Variants in SLC22A3 observed in about 807,000 individuals in gnomAD.
The protein encoded by SLC22A3 is EMT organic cation transporter 3.
Under a neutral mutation model 59.1 loss-of-function variants are expected in SLC22A3, and 51 were observed. The ratio of observed to expected loss-of-function variants is 0.86; its 90% confidence interval spans 0.69 to 1.09. The LOEUF is 1.09. Among genes scored for constraint, SLC22A3 ranks in the 50% least tolerant of loss-of-function variants. The pLI is 0.00. For synonymous variants in SLC22A3, 325 were observed against 292.0 expected, an observed-to-expected ratio of 1.11 and a Z score of -1.15; for missense variants, 711 against 726.3, an observed-to-expected ratio of 0.98 and a Z score of 0.24.
chr6:160,419,969 A>AG, intron 5 of SLC22A3, among the ~76,000 whole-genome samples: 1 of 152,194 alleles, frequency 6.6e-6, no homozygotes, highest in African/African-American at 2.4e-5. Context: ...TTTTGAAAAC[A>AG]AGACTATATC....
rs565948998 is a variant in SLC22A3, at chr6:160,443,712, G to A, written c.1480G>A (p.Val494Met). 4.2e-5 allele frequency: 67 copies of A among 1,612,982 alleles called. No homozygotes were observed. Among genetic ancestry groups the A allele is most frequent in the Admixed American group, 1.3e-4 (8 of 59,990 alleles). The change falls in exon 9 of 11, where the codon GTG (valine) becomes ATG (methionine). Residue 494 changes from valine (V) to methionine (M), a missense_variant. Physicochemically the swap from Val to Met is conservative, Grantham distance 21. Coordinates refer to ENST00000275300, the MANE Select transcript of SLC22A3 (RefSeq NM_021977.4). ...APFLLFRLAA[V>M]WLELPLIIFG... ...ATTTCTGCTCTTTCGGCTAGCAGCC[G>A]TGTGGCTAGAACTACCTCTGATCAT...
intron 4 of SLC22A3, 94 bp downstream of exon 4, chr6:160,409,015 CTTTTTTT>C (rs201294592): frequency 3.3e-6 from 2 of 602,948 alleles, no homozygotes; most frequent in Non-Finnish European, 2.6e-6. Flanking sequence ...AGAAAATTTT[CTTTTTTT>C]TTTTTTTTTT....
chr6:160,353,280 T>C (rs570491338), intron 1 of SLC22A3, among the ~76,000 whole-genome samples: 2 of 152,250 alleles, frequency 1.3e-5, no homozygotes, highest in Non-Finnish European at 2.9e-5. Context: ...ATTATGAGAA[T>C]GTGCAAGAGT....
At chr6:160,367,234 T>C (rs1163265684) in intron 1 of SLC22A3, among the ~76,000 whole-genome samples, 1 of 152,102 alleles carries the variant, frequency 6.6e-6, no homozygotes, top group Admixed American at 6.6e-5. Context: ...CTTCATCACA[T>C]GGTGGCAGCA....
intron 1 of SLC22A3, among the ~76,000 whole-genome samples, chr6:160,366,442 C>T (rs574158977): frequency 1.3e-4 from 20 of 152,340 alleles, no homozygotes; most frequent in Non-Finnish European, 2.6e-4. Context: ...GTGCAGGATA[C>T]AGCCCCGTCC....
chr6:160,377,630 A>G (rs930994337), intron 1 of SLC22A3, among the ~76,000 whole-genome samples: 1 of 152,192 alleles, frequency 6.6e-6, no homozygotes, highest in African/African-American at 2.4e-5. Context: ...TCCTAAGATT[A>G]TTAAGAGTTT....
chr6:160,401,615 G>C (rs1786784877), intron 2 of SLC22A3, among the ~76,000 whole-genome samples: 1 of 151,832 alleles, frequency 6.6e-6, no homozygotes, highest in Non-Finnish European at 1.5e-5. Context: ...AGAGGAATAA[G>C]CAATTGAGAA....
chr6:160,428,109 T>G (rs904473269), intron 5 of SLC22A3, among the ~76,000 whole-genome samples: 3 of 6,650 alleles, frequency 4.5e-4, no homozygotes, highest in South Asian at 8.1e-3. Flanking sequence ...AAACAAAAAA[T>G]AAAAATAAAA....
chr6:160,445,598 C>G (rs1473078784), intron 9 of SLC22A3, among the ~76,000 whole-genome samples: 1 of 152,158 alleles, frequency 6.6e-6, no homozygotes, highest in East Asian at 1.9e-4. Flanking sequence ...GGTGACAATT[C>G]AAGGATGTCA....
At chr6:160,411,734 G>A (rs1290117396) in intron 5 of SLC22A3, among the ~76,000 whole-genome samples, 1 of 152,064 alleles carries the variant, frequency 6.6e-6, no homozygotes, top group East Asian at 1.9e-4. Flanking sequence ...AGATCAAGAT[G>A]CTGTCTCTAA....
intron 5 of SLC22A3, among the ~76,000 whole-genome samples, chr6:160,433,751 C>T (rs1788242065): frequency 6.6e-6 from 1 of 152,024 alleles, no homozygotes; most frequent in Non-Finnish European, 1.5e-5. Flanking sequence ...AACTATCTAC[C>T]TGAACTGACC....
intron 10 of SLC22A3, among the ~76,000 whole-genome samples, chr6:160,450,567 G>T (rs1205062219): frequency 2.0e-5 from 3 of 152,190 alleles, no homozygotes; most frequent in African/African-American, 7.2e-5. Context: ...AGGATTAAGA[G>T]ATTAAGGTAA....
intron 4 of SLC22A3, among the ~76,000 whole-genome samples, chr6:160,409,996 A>C (rs1197852209): frequency 1.2e-4 from 19 of 152,232 alleles, no homozygotes. Context: ...ATTATCAAAA[A>C]GCAACAGAAA....
In SLC22A3 at chr6:160,415,476, T is replaced by C. The variant is rs1267015210; in HGVS notation, c.975+4630T>C. On this transcript the variant is annotated intron_variant, in intron 5 of 10. Coordinates refer to ENST00000275300, the MANE Select transcript of SLC22A3 (RefSeq NM_021977.4). The surrounding 1 kb of genome is among the most constrained non-coding windows in gnomAD (Gnocchi z 4.1). Reference sequence around the variant, plus strand: ...ATGTTAGGATAGCCTTGAAACTGTATGTTTACACAGTTACTTTCACATTAA... The same window carrying C: ...ATGTTAGGATAGCCTTGAAACTGTACGTTTACACAGTTACTTTCACATTAA... Among the ~76,000 whole-genome samples, 1 of 152,246 alleles carries C rather than the reference T, an allele frequency of 6.6e-6. No homozygotes were observed. The highest frequency in any genetic ancestry group is 1.9e-4 in the East Asian group (1 of 5,194).
At chr6:160,442,928 T>C in intron 8 of SLC22A3, 59 bp downstream of exon 8, 1 of 1,317,440 alleles carries the variant, frequency 7.6e-7, no homozygotes, top group Non-Finnish European at 1.1e-6. Context: ...GCGTTTTAAG[T>C]TGATTTAGTT....
intron 1 of SLC22A3, among the ~76,000 whole-genome samples, chr6:160,370,252 G>A (rs1198512746): frequency 4.6e-5 from 7 of 152,208 alleles, no homozygotes; most frequent in Non-Finnish European, 1.0e-4. Flanking sequence ...GGAATTAGAT[G>A]CCATTTCCTG....
intron 1 of SLC22A3, among the ~76,000 whole-genome samples, chr6:160,375,022 CT>C (rs1173205539): frequency 6.6e-6 from 1 of 152,158 alleles, no homozygotes; most frequent in Non-Finnish European, 1.5e-5. Flanking sequence ...CTGACAACCA[CT>C]TCCGTCCTAA....
chr6:160,436,376 T>C (rs1303176663), intron 5 of SLC22A3, among the ~76,000 whole-genome samples: 2 of 152,230 alleles, frequency 1.3e-5, no homozygotes, highest in African/African-American at 2.4e-5. Flanking sequence ...TGGTGCTTAC[T>C]CTTAAACTTA....
intron 4 of SLC22A3, 64 bp downstream of exon 4, chr6:160,408,985 C>A: frequency 6.0e-5 from 71 of 1,189,112 alleles, no homozygotes; most frequent in Non-Finnish European, 7.3e-5. Context: ...TCCAAACAGA[C>A]ATGAAAATGA....
Sources: gnomAD v4.1 joint callset for allele counts (sites outside exome capture counted in the v4.1 genomes callset) on GRCh38, gnomAD v4.1.1 for gene constraint, Gnocchi (gnomAD v3.1) non-coding constraint, MANE v1.5 for transcripts, NCBI Gene and HGNC (gene_info 2026-07-23, HGNC 2026-07-21) for gene names.